The following ITGA2 variants were observed in gnomAD, a reference collection of about 807,000 sequenced individuals.
ITGA2 encodes integrin subunit alpha 2, also known as integrin alpha-2.
Under a neutral mutation model 146.3 loss-of-function variants are expected in ITGA2, and 101 were observed. The observed-to-expected ratio is 0.69, with a 90% CI of 0.59 to 0.81. ITGA2 has a LOEUF of 0.81. Ranked by LOEUF, ITGA2 falls within the 40% of genes least tolerant of loss-of-function variation. The probability of loss-of-function intolerance (pLI) is 0.00; values close to 1 mark genes in which losing one functional copy is unlikely to be tolerated. For missense variants in ITGA2, 1,281 were observed against 1,402.7 expected, an observed-to-expected ratio of 0.91 and a Z score of 1.39; for synonymous variants, 477 against 487.1, an observed-to-expected ratio of 0.98 and a Z score of 0.27.
intron 1 of ITGA2, among the ~76,000 whole-genome samples, chr5:53,001,560 A>T (rs1185910312): frequency 6.6e-6 from 1 of 152,198 alleles, no homozygotes; most frequent in Non-Finnish European, 1.5e-5. Context: ...GTCCTCTAGC[A>T]AGACAAAAAG....
chr5:53,069,735 C>T (rs776782069), intron 16 of ITGA2, among the ~76,000 whole-genome samples: 8 of 151,988 alleles, frequency 5.3e-5, no homozygotes, highest in Middle Eastern at 3.4e-3. Context: ...CAGTTGCAGG[C>T]GCTCAGCAAC....
chr5:53,044,363 G>C (rs926671981), intron 3 of ITGA2, among the ~76,000 whole-genome samples: 5 of 134,992 alleles, frequency 3.7e-5, no homozygotes, highest in Non-Finnish European at 6.2e-5. Context: ...ATCCAATTAA[G>C]AATAAGTGAC....
chr5:53,090,048 G>C lies in ITGA2; in HGVS notation c.3451G>C (p.Ala1151Pro), dbSNP rs1301432667. The change falls in exon 29 of 30, where the codon GCA becomes CCA. Residue 1151 changes from alanine to proline, a missense_variant. Transcript: ENST00000296585. Reference sequence around the variant, plus strand: ...AATCCTTTTGCTGTTAGCTCTGGTTGCAATTTTATGGAAGGTAAGAAAAGC... The same window carrying C: ...AATCCTTTTGCTGTTAGCTCTGGTTCCAATTTTATGGAAGGTAAGAAAAGC... ...AGILLLLALV[A>P]ILWKLGFFKR... The C allele has an allele frequency of 6.3e-7, 1 of 1,597,834 alleles. No individual in the cohort carries two copies. Among genetic ancestry groups the C allele is most frequent in the Non-Finnish European group, 8.6e-7 (1 of 1,165,370 alleles).
At chr5:53,057,257 C>G (rs1249473504) in intron 9 of ITGA2, among the ~76,000 whole-genome samples, 3 of 151,936 alleles carry the variant, frequency 2.0e-5, no homozygotes, top group Non-Finnish European at 4.4e-5. Context: ...AAAAGTATCT[C>G]TACTCATCCT....
intron 1 of ITGA2, among the ~76,000 whole-genome samples, chr5:53,019,486 G>C (rs930810208): frequency 1.3e-5 from 2 of 152,082 alleles, no homozygotes; most frequent in Non-Finnish European, 2.9e-5. Context: ...TTGGTTATCA[G>C]ATCAACAGTC....
At chr5:53,073,624 C>T (rs1745505616) in intron 20 of ITGA2, among the ~76,000 whole-genome samples, 1 of 151,888 alleles carries the variant, frequency 6.6e-6, no homozygotes. Context: ...ATGGTTGTTG[C>T]TGCTGCCAAG....
intron 1 of ITGA2, among the ~76,000 whole-genome samples, chr5:53,011,666 G>T (rs1468649927): frequency 2.0e-5 from 3 of 152,022 alleles, no homozygotes; most frequent in South Asian, 2.1e-4. Flanking sequence ...AATAATAAAT[G>T]ATTGCATCAG....
intron 26 of ITGA2, among the ~76,000 whole-genome samples, chr5:53,082,723 G>A (rs1027751576): frequency 6.6e-6 from 1 of 152,106 alleles, no homozygotes; most frequent in Non-Finnish European, 1.5e-5. Context: ...TCTTGGTGTT[G>A]TTAAAATCCA....
chr5:53,065,671 C>T, intron 14 of ITGA2, 170 bp from the exon 15 acceptor site: 2 of 788,364 alleles, frequency 2.5e-6, no homozygotes. Flanking sequence ...AAGAGTGATG[C>T]AGAGATCAGA....
intron 13 of ITGA2, among the ~76,000 whole-genome samples, chr5:53,063,596 C>T (rs1336959456): frequency 6.6e-6 from 1 of 151,752 alleles, no homozygotes; most frequent in Non-Finnish European, 1.5e-5. Context: ...CACAGATTGA[C>T]ATAGAAAATT....
At chr5:53,015,156 CTTG>C (rs1299063573) in intron 1 of ITGA2, among the ~76,000 whole-genome samples, 1 of 152,060 alleles carries the variant, frequency 6.6e-6, no homozygotes, top group Admixed American at 6.6e-5. Context: ...TTGGTTTGTT[CTTG>C]TTGTTCTAGC....
At chr5:53,007,254 G>A (rs1279051441) in intron 1 of ITGA2, among the ~76,000 whole-genome samples, 1 of 152,156 alleles carries the variant, frequency 6.6e-6, no homozygotes, top group Non-Finnish European at 1.5e-5. Flanking sequence ...GCTGCCAATA[G>A]TGAGCATCAA....
intron 20 of ITGA2, 30 bp from the exon 21 acceptor site, chr5:53,074,355 G>T: frequency 6.3e-7 from 1 of 1,577,748 alleles, no homozygotes; most frequent in South Asian, 1.1e-5. Flanking sequence ...TATGCCAATT[G>T]ATCATTGTTG....
chr5:53,029,438 C>T (rs1018202634), intron 2 of ITGA2, among the ~76,000 whole-genome samples: 5 of 152,184 alleles, frequency 3.3e-5, no homozygotes, highest in African/African-American at 1.2e-4. Context: ...ATGCCTAGCT[C>T]ATTCCTGTTG....
chr5:53,065,972 A>G lies in ITGA2; in HGVS notation c.1938A>G (p.Gln646=), dbSNP rs1397547473. Reference sequence around the variant, plus strand: ...TTGGTGCCTTTGGACAAGTGGTTCAACTCTGGTGAGTCAGGAAGAGCCAGA... The same window carrying G: ...TTGGTGCCTTTGGACAAGTGGTTCAGCTCTGGTGAGTCAGGAAGAGCCAGA... ...VSIGAFGQVV[Q]LWSQSIADVA... The change falls in exon 15 of 30, where the codon CAA becomes CAG. Residue 646 remains glutamine (Q), a synonymous_variant. Transcript: ENST00000296585. The G allele has an allele frequency of 2.5e-6, 4 of 1,611,754 alleles. No individual in the cohort carries two copies. In the African/African-American group the frequency reaches 4.0e-5, roughly 16 times the overall value.
At chr5:53,090,450 C>A in intron 29 of ITGA2, 69 bp from the exon 30 acceptor site, 1 of 1,363,670 alleles carries the variant, frequency 7.3e-7, no homozygotes, top group Non-Finnish European at 1.0e-6. Context: ...CGTGGGCAGC[C>A]AAGGGGGTCA....
At chr5:53,036,840 C>T (rs1743515172) in intron 2 of ITGA2, among the ~76,000 whole-genome samples, 1 of 152,196 alleles carries the variant, frequency 6.6e-6, no homozygotes, top group Non-Finnish European at 1.5e-5. Flanking sequence ...CACGTATAGA[C>T]TCACAGATTG....
chr5:53,088,255 A>G (rs1169069746), intron 28 of ITGA2, among the ~76,000 whole-genome samples: 1 of 152,240 alleles, frequency 6.6e-6, no homozygotes, highest in Non-Finnish European at 1.5e-5. Context: ...GCAGTATTAA[A>G]TATATCAATT....
Position 53,059,867 on chromosome 5 carries a change from A to G in ITGA2, c.1174-7A>G. On this transcript the variant is annotated splice_polypyrimidine_tract_variant and splice_region_variant and intron_variant, in intron 10 of 29. Transcript: ENST00000296585. ...TTTCAATGATCTTCATTTTTCAATT[A>G]TTTTAGGATATTCTGATGCTGGGTG... 1 of 1,611,436 alleles carries G rather than the reference A, an allele frequency of 6.2e-7. No individual in the cohort carries two copies. The highest frequency in any genetic ancestry group is 2.2e-5 in the East Asian group (1 of 44,682).
Sources: gnomAD v4.1 joint callset for allele counts (sites outside exome capture counted in the v4.1 genomes callset) on GRCh38, gnomAD v4.1.1 for gene constraint, MANE v1.5 for transcripts, NCBI Gene and HGNC (gene_info 2026-07-23, HGNC 2026-07-21) for gene names.